The following TMEM232 variants were observed in gnomAD, a reference collection of about 807,000 sequenced individuals.
TMEM232 encodes transmembrane protein 232.
Under a neutral mutation model 78.8 loss-of-function variants are expected in TMEM232, and 80 were observed. The observed-to-expected ratio is 1.01, with a 90% CI of 0.85 to 1.22. The LOEUF is 1.22. TMEM232 is among the 50% of genes most tolerant of loss of function. TMEM232 has a pLI of 0.00. For missense variants in TMEM232, 881 were observed against 742.2 expected (o/e 1.19, Z -2.17); for synonymous variants, 297 against 254.3 (o/e 1.17, Z -1.60).
intron 1 of TMEM232, among the ~76,000 whole-genome samples, chr5:110,669,931 A>G (rs1476955124): frequency 2.6e-5 from 4 of 151,970 alleles, no homozygotes; most frequent in Non-Finnish European, 5.9e-5. Flanking sequence ...AAATTCAACA[A>G]CCCTTCATGC....
chr5:110,533,132 C>G (rs1364388191), intron 11 of TMEM232, among the ~76,000 whole-genome samples: 1 of 152,154 alleles, frequency 6.6e-6, no homozygotes, highest in Non-Finnish European at 1.5e-5. Context: ...TCGTCCCAGC[C>G]TCTCTTTGCT....
At chr5:110,524,533 T>C (rs1331787191) in intron 12 of TMEM232, among the ~76,000 whole-genome samples, 1 of 152,186 alleles carries the variant, frequency 6.6e-6, no homozygotes, top group Non-Finnish European at 1.5e-5. Flanking sequence ...TTCTATCTTT[T>C]TGAATTTGTT....
intron 2 of TMEM232, among the ~76,000 whole-genome samples, chr5:110,732,774 T>C (rs146643443): frequency 0.024 from 3,663 of 152,252 alleles, 45 homozygotes; most frequent in African/African-American, 0.032. Flanking sequence ...GAGTTCTCAT[T>C]AGGATTTTTA....
chr5:110,396,564 G>A (rs546153916), intron 3 of TMEM232, among the ~76,000 whole-genome samples: 3 of 152,102 alleles, frequency 2.0e-5, no homozygotes, highest in Non-Finnish European at 2.9e-5. Context: ...TTGTGCAGTA[G>A]GCTTTCTCCC....
intron 1 of TMEM232, among the ~76,000 whole-genome samples, chr5:110,704,834 A>C (rs1325336897): frequency 6.6e-6 from 1 of 152,150 alleles, no homozygotes; most frequent in African/African-American, 2.4e-5. Flanking sequence ...TACTATGAAT[A>C]TAGTTAATCA....
chr5:110,552,648 T>G (rs112674360), intron 11 of TMEM232, among the ~76,000 whole-genome samples: 1,978 of 152,202 alleles, frequency 0.013, 36 homozygotes, highest in African/African-American at 0.045. Context: ...AAGGAAAATT[T>G]CATAATAATA....
intron 11 of TMEM232, among the ~76,000 whole-genome samples, chr5:110,550,861 T>C (rs1183878387): frequency 2.0e-5 from 3 of 147,490 alleles, no homozygotes; most frequent in Non-Finnish European, 4.5e-5. Flanking sequence ...AAAAAATATA[T>C]ATGGAAATGT....
chr5:110,590,620 A>T (rs66995194), intron 10 of TMEM232, among the ~76,000 whole-genome samples: 20,678 of 152,082 alleles, frequency 0.14, 1,738 homozygotes, highest in African/African-American at 0.23. Context: ...TCTGGTGCCA[A>T]AAAAGTTGGG....
intron 12 of TMEM232, among the ~76,000 whole-genome samples, chr5:110,488,848 T>C (rs1046213460): frequency 6.6e-6 from 1 of 151,930 alleles, no homozygotes; most frequent in African/African-American, 2.4e-5. Flanking sequence ...AGTTTCAAAA[T>C]TTTTAAATGA....
chr5:110,524,411 GAAAGAAAAGAAAAGAAAAGA>G (rs202226775), intron 12 of TMEM232, among the ~76,000 whole-genome samples: 2,102 of 60,894 alleles, frequency 0.035, 35 homozygotes, highest in African/African-American at 0.069. Context: ...AAGAAAGAAA[GAAAGAAAAGAAAAGAAAAGA>G]AAAGAAAAGA....
At chr5:110,594,242 G>T (rs1032674077) in intron 10 of TMEM232, among the ~76,000 whole-genome samples, 1 of 151,922 alleles carries the variant, frequency 6.6e-6, no homozygotes, top group Non-Finnish European at 1.5e-5. Flanking sequence ...AAGCCCCGAG[G>T]GACTGTACCA....
At chr5:110,592,067 G>T (rs1779609591) in intron 10 of TMEM232, among the ~76,000 whole-genome samples, 1 of 151,988 alleles carries the variant, frequency 6.6e-6, no homozygotes, top group Non-Finnish European at 1.5e-5. Flanking sequence ...TGCTACAAAG[G>T]ATCATGTTAC....
At position 110,659,315 on chromosome 5, in the gene TMEM232, G is replaced by T. The variant is rs138920068; in HGVS notation, c.125+7913C>A. 3.3e-5 allele frequency among the ~76,000 whole-genome samples: 5 copies of T among 152,160 alleles called. No individual in the cohort carries two copies. In the East Asian group the frequency reaches 9.7e-4, roughly 29 times the overall value. ...GCTACCTTGGTGTCCAGCAGAAAAA[G>T]AATGAGAATGGAAAAGAAAAAAGAA... On this transcript the variant is annotated intron_variant, in intron 2 of 13. Coordinates refer to ENST00000455884, the MANE Select transcript of TMEM232 (RefSeq NM_001039763.4).
At chr5:110,576,206 G>A (rs1238316665) in intron 10 of TMEM232, among the ~76,000 whole-genome samples, 3 of 152,144 alleles carry the variant, frequency 2.0e-5, no homozygotes, top group Non-Finnish European at 4.4e-5. Flanking sequence ...CAAAATCGAT[G>A]CGCAAAAATT....
chr5:110,727,299 G>A (rs1798250644), upstream of TMEM232, among the ~76,000 whole-genome samples: 1 of 152,190 alleles, frequency 6.6e-6, no homozygotes, highest in Admixed American at 6.5e-5. Flanking sequence ...GGAAGAATGG[G>A]GAAGGGCATT....
intron 1 of TMEM232, among the ~76,000 whole-genome samples, chr5:110,719,507 T>C (rs992340639): frequency 2.0e-5 from 3 of 152,032 alleles, no homozygotes; most frequent in Non-Finnish European, 4.4e-5. Context: ...CCCTCCTGTA[T>C]ATGAGTCACA....
intron 10 of TMEM232, among the ~76,000 whole-genome samples, chr5:110,595,838 T>C (rs933853366): frequency 1.3e-5 from 2 of 152,036 alleles, no homozygotes; most frequent in African/African-American, 4.8e-5. Flanking sequence ...TGGAACCAAG[T>C]TGGAAAACAC....
At position 110,669,933 on chromosome 5, in the gene TMEM232, C is replaced by G. The variant is rs552234246; in HGVS notation, c.-12-2569G>C. Among the ~76,000 whole-genome samples the G allele has an allele frequency of 4.2e-4, 64 of 151,764 alleles. 1 individual carries two copies. Among genetic ancestry groups the G allele is most frequent in the South Asian group, 4.2e-4 (2 of 4,774 alleles). The stretch of plus-strand genomic sequence containing the variant: ...AAGGCCTTTGACAAAATTCAACAAC[C>G]CTTCATGCTAAAAACTCTCAATAAA... On this transcript the variant is annotated intron_variant, in intron 1 of 13. Transcript: ENST00000455884.
intron 1 of TMEM232, among the ~76,000 whole-genome samples, chr5:110,691,978 T>C (rs190951563): frequency 0.019 from 2,897 of 152,294 alleles, 77 homozygotes; most frequent in African/African-American, 0.067. Context: ...TGGAGTGCAG[T>C]GGCGTGATCT....
Sources: gnomAD v4.1 joint callset for allele counts (sites outside exome capture counted in the v4.1 genomes callset) on GRCh38, gnomAD v4.1.1 for gene constraint, MANE v1.5 for transcripts, NCBI Gene and HGNC (gene_info 2026-07-23, HGNC 2026-07-21) for gene names.